The following UBE2O variants were observed in gnomAD, a reference collection of about 807,000 sequenced individuals.
UBE2O encodes the protein ubiquitin conjugating enzyme E2 O.
A neutral mutation model predicts 125.8 loss-of-function variants in UBE2O; 15 were observed. That is an observed-to-expected ratio of 0.12 (90% CI 0.08 to 0.18). The LOEUF (loss-of-function observed/expected upper bound fraction) is 0.18. Among genes scored for constraint, UBE2O ranks in the 10% least tolerant of loss-of-function variants. The pLI, the probability that UBE2O is intolerant of heterozygous loss-of-function variation, is 1.00. For synonymous variants in UBE2O, 708 were observed against 703.2 expected (o/e 1.01, Z -0.11); for missense variants, 1,280 against 1,723.6 (o/e 0.74, Z 4.56).
Position 76,395,868 on chromosome 17 carries a change from G to T in UBE2O, c.2810-7C>A, listed in dbSNP as rs770260088. On this transcript the variant is annotated splice_polypyrimidine_tract_variant and splice_region_variant and intron_variant, in intron 14 of 17. Coordinates refer to ENST00000319380, the MANE Select transcript of UBE2O (RefSeq NM_022066.4). This position sits in a 1 kb window ranked among gnomAD's most constrained non-coding sequence, Gnocchi z 5.0. ...TTCTTAAAAGAATGATTTGCTAGAG[G>T]GGGGAAGAGAATAGTCAGTCCCTCA... is the stretch of plus-strand genomic sequence containing the variant. The T allele has an allele frequency of 7.4e-6, 12 of 1,614,126 alleles. No homozygotes were observed. The highest frequency in any genetic ancestry group is 1.7e-4 in the Middle Eastern group (1 of 6,060).
chr17:76,398,951 C>A lies in UBE2O; in HGVS notation c.1669G>T (p.Val557Leu). The part of the protein sequence containing the change: ...EVVTTMTSAD[V>L]MWQDGSVECN... ...TCCACGGAGCCATCCTGCCACATCA[C>A]GTCGGCTGAGGTCATCGTGGTCACC... The change falls in exon 10 of 18, where the codon GTG (valine) becomes TTG (leucine). Residue 557 changes from valine to leucine, a missense_variant. Val to Leu is a conservative substitution (Grantham distance 32, BLOSUM62 1). Transcript: ENST00000319380. This position sits in a 1 kb window ranked among gnomAD's most constrained non-coding sequence, Gnocchi z 5.4. The A allele has an allele frequency of 6.2e-7, 1 of 1,614,120 alleles. No individual in the cohort carries two copies. Among genetic ancestry groups the A allele is most frequent in the Non-Finnish European group, 8.5e-7 (1 of 1,180,040 alleles).
rs59625228 is a variant in UBE2O, at chr17:76,433,607, CT to C, written c.417+19117del. Among the ~76,000 whole-genome samples the C allele has an allele frequency of 5.9e-4, 88 of 150,350 alleles. No homozygotes were observed. In the Middle Eastern group the frequency reaches 0.01, roughly 18 times the overall value. On this transcript the variant is annotated intron_variant, in intron 1 of 17. Transcript: ENST00000319380. ...TGGTATGTGAATTGTCTCAATAAACCTTTTTTTTTTTAAGAGATGGGGTCTC... is the reference window on the plus strand; with the variant it reads ...TGGTATGTGAATTGTCTCAATAAACCTTTTTTTTTTAAGAGATGGGGTCTC...
chr17:76,430,278 AG>A, intron 1 of UBE2O: 1 of 152,794 alleles, frequency 6.5e-6, no homozygotes, highest in South Asian at 2.0e-4. Context: ...CAGAGTTTCT[AG>A]GGGAAGTAGA....
At chr17:76,448,451 G>A (rs574059849) in intron 1 of UBE2O, among the ~76,000 whole-genome samples, 16 of 152,272 alleles carry the variant, frequency 1.1e-4, no homozygotes, top group Middle Eastern at 3.4e-3. Context: ...GCTGGCCAGC[G>A]TAGGAGCCAA....
chr17:76,411,483 GGAA>G (rs1173206341), intron 1 of UBE2O, among the ~76,000 whole-genome samples: 2 of 152,290 alleles, frequency 1.3e-5, no homozygotes, highest in Admixed American at 1.3e-4. Flanking sequence ...AAGGGGAGCT[GGAA>G]GAAGTCCAAA....
chr17:76,394,259 C>T (rs896134410), intron 15 of UBE2O, among the ~76,000 whole-genome samples: 2 of 152,170 alleles, frequency 1.3e-5, no homozygotes, highest in Non-Finnish European at 2.9e-5. Flanking sequence ...AGAACTGGGG[C>T]CTCAGACTCA....
intron 1 of UBE2O, among the ~76,000 whole-genome samples, chr17:76,445,108 C>T (rs2073131325): frequency 6.6e-6 from 1 of 152,208 alleles, no homozygotes; most frequent in South Asian, 2.1e-4. Context: ...AAAAGACCAG[C>T]TCTCTTGCAG....
Position 76,395,681 on chromosome 17 carries a change from G to T in UBE2O, c.2946+44C>A, listed in dbSNP as rs1255292548. 1 of 1,579,850 alleles carries T rather than the reference G, an allele frequency of 6.3e-7. No individual in the cohort carries two copies. Among genetic ancestry groups the T allele is most frequent in the South Asian group, 1.1e-5 (1 of 87,650 alleles). Reference sequence around the variant, plus strand: ...GTTGGTGGCCTCTTGGGCACTGGGTGCCCACACAGCACATCTGCACCTGCC... The same window carrying T: ...GTTGGTGGCCTCTTGGGCACTGGGTTCCCACACAGCACATCTGCACCTGCC... On this transcript the variant is annotated intron_variant, in intron 15 of 17. Coordinates refer to ENST00000319380, the MANE Select transcript of UBE2O (RefSeq NM_022066.4). This position sits in a 1 kb window ranked among gnomAD's most constrained non-coding sequence, Gnocchi z 5.0.
chr17:76,393,011 AC>A lies in UBE2O; in HGVS notation c.2947-899del, dbSNP rs1463881836. Among the ~76,000 whole-genome samples the A allele has an allele frequency of 2.0e-5, 3 of 151,736 alleles. No individual in the cohort carries two copies. In the East Asian group the frequency reaches 5.9e-4, roughly 30 times the overall value. The stretch of plus-strand genomic sequence containing the variant: ...GATGGCTCACACCTGTAATCCCAGC[AC>A]TTTTGGGAGGCCAAGGTGGGAGGAC... On this transcript the variant is annotated intron_variant, in intron 15 of 17. Transcript: ENST00000319380.
rs187971860 is a variant in UBE2O at position 76,403,686 on chromosome 17, T to A, written c.589-987A>T. On this transcript the variant is annotated intron_variant, in intron 3 of 17. Coordinates refer to ENST00000319380, the MANE Select transcript of UBE2O (RefSeq NM_022066.4). ...CCTAGTGTGTCCCAAAAGAGCCAAG[T>A]AGCAATTAGCACACCTAGCATCCAG... Among the ~76,000 whole-genome samples the A allele has an allele frequency of 6.6e-5, 10 of 152,290 alleles. No individual in the cohort carries two copies. In the East Asian group the frequency reaches 1.7e-3, roughly 26 times the overall value.
chr17:76,391,492 C>T lies in UBE2O; in HGVS notation c.3330G>A (p.Gln1110=), dbSNP rs1276915981. 6.2e-7 allele frequency: 1 copy of T among 1,614,056 alleles called. No individual in the cohort carries two copies. The highest frequency in any genetic ancestry group is 8.5e-7 in the Non-Finnish European group (1 of 1,180,046). ...YNEMALIRVV[Q]SMTQLVRRPP... ...GCCGCCGCACCAGCTGGGTCATGGACTGCACCACGCGGATCAGCGCCATCT... is the reference window on the plus strand; with the variant it reads ...GCCGCCGCACCAGCTGGGTCATGGATTGCACCACGCGGATCAGCGCCATCT... The change falls in exon 18 of 18, where the codon CAG becomes CAA. Residue 1110 remains glutamine, a synonymous_variant. Transcript: ENST00000319380. This position sits in a 1 kb window ranked among gnomAD's most constrained non-coding sequence, Gnocchi z 8.4.
intron 15 of UBE2O, among the ~76,000 whole-genome samples, chr17:76,394,631 TA>T (rs780187409): frequency 6.6e-6 from 1 of 152,122 alleles, no homozygotes; most frequent in Non-Finnish European, 1.5e-5. Context: ...AATGTAAAAA[TA>T]TTTTTTTAGT....
At chr17:76,403,590 T>C (rs1427434293) in intron 3 of UBE2O, among the ~76,000 whole-genome samples, 2 of 152,166 alleles carry the variant, frequency 1.3e-5, no homozygotes, top group African/African-American at 2.4e-5. Context: ...TGAACTCATA[T>C]ATTTTAATAT....
chr17:76,444,491 C>G (rs1425034802), intron 1 of UBE2O, among the ~76,000 whole-genome samples: 1 of 151,924 alleles, frequency 6.6e-6, no homozygotes, highest in African/African-American at 2.4e-5. Context: ...AAGGTGTGAT[C>G]ACGCCACTGC....
rs2072287626 is a variant in UBE2O at position 76,399,898 on chromosome 17, C to T, written c.1179G>A (p.Gln393=). 3 of 1,608,502 alleles carry T rather than the reference C, an allele frequency of 1.9e-6. No individual in the cohort carries two copies. Among genetic ancestry groups the T allele is most frequent in the South Asian group, 1.1e-5 (1 of 89,944 alleles). Residue 393 remains glutamine (Q), a synonymous_variant, in exon 9 of 18, where the codon CAG becomes CAA. Transcript: ENST00000319380. The surrounding 1 kb of genome is among the most constrained non-coding windows in gnomAD (Gnocchi z 6.9). Reference sequence around the variant, plus strand: ...GGGAGCATGACATGATCCGCACAACCTGCTTCTTCAACAGGCGCTTCACCT... The same window carrying T: ...GGGAGCATGACATGATCCGCACAACTTGCTTCTTCAACAGGCGCTTCACCT... ...AKKVKRLLKK[Q]VVRIMSCSPD... is the part of the protein sequence containing the mutation.
intron 1 of UBE2O, among the ~76,000 whole-genome samples, chr17:76,431,329 T>A (rs2072903387): frequency 1.3e-5 from 2 of 150,620 alleles, no homozygotes; most frequent in Admixed American, 6.6e-5. Flanking sequence ...CTGGCCAACA[T>A]GGTGAAATCC....
At chr17:76,431,190 A>G (rs1261046977) in intron 1 of UBE2O, 2 of 158,500 alleles carry the variant, frequency 1.3e-5, no homozygotes, top group Admixed American at 1.3e-4. Context: ...CTTATATACA[A>G]CTAGATCTGA....
Position 76,398,186 on chromosome 17 carries a change from A to AGCATCAGGGACTGCAGCTGGT in UBE2O, c.2025+48_2025+68dup. ...TTGTCTCCTAGAGCCACCTGGTGGC[A>AGCATCAGGGACTGCAGCTGGT]GCATCAGGGACTGCAGCTGGTGCAC... is the stretch of plus-strand genomic sequence containing the variant. On this transcript the variant is annotated intron_variant, in intron 12 of 17. Coordinates refer to ENST00000319380, the MANE Select transcript of UBE2O (RefSeq NM_022066.4). This position sits in a 1 kb window ranked among gnomAD's most constrained non-coding sequence, Gnocchi z 5.4. 6.2e-7 allele frequency: 1 copy of AGCATCAGGGACTGCAGCTGGT among 1,602,210 alleles called. No homozygotes were observed. The highest frequency in any genetic ancestry group is 1.3e-5 in the African/African-American group (1 of 74,860).
At chr17:76,451,454 C>T (rs1451664417) in intron 1 of UBE2O, among the ~76,000 whole-genome samples, 1 of 152,132 alleles carries the variant, frequency 6.6e-6, no homozygotes, top group African/African-American at 2.4e-5. Context: ...ATGTGCATCC[C>T]CAACAAAAAG....
Sources: gnomAD v4.1 joint callset for allele counts (sites outside exome capture counted in the v4.1 genomes callset) on GRCh38, gnomAD v4.1.1 for gene constraint, Gnocchi (gnomAD v3.1) non-coding constraint, MANE v1.5 for transcripts, NCBI Gene and HGNC (gene_info 2026-07-23, HGNC 2026-07-21) for gene names.